Variants in ARB2A observed in about 807,000 individuals in gnomAD.
ARB2A encodes ARB2 cotranscriptional regulator A, also known as cotranscriptional regulator ARB2A.
the ARB2A span, among the ~76,000 whole-genome samples, chr5:94,074,281 C>T: frequency 2.0e-5 from 3 of 152,082 alleles, no homozygotes; most frequent in African/African-American, 7.2e-5. Flanking sequence ...GCCACAAAGG[C>T]AGAATACAGA....
the ARB2A span, among the ~76,000 whole-genome samples, chr5:93,694,190 G>T: frequency 6.6e-6 from 1 of 152,190 alleles, no homozygotes; most frequent in Non-Finnish European, 1.5e-5. Context: ...TCTGGCCAGG[G>T]AGATCAGGCA....
chr5:94,039,040 G>C, the ARB2A span, among the ~76,000 whole-genome samples: 1 of 152,098 alleles, frequency 6.6e-6, no homozygotes, highest in African/African-American at 2.4e-5. Context: ...CCTTTCCACA[G>C]GTTCTCAGTT....
chr5:94,057,368 T>C, the ARB2A span, among the ~76,000 whole-genome samples: 4 of 152,164 alleles, frequency 2.6e-5, no homozygotes, highest in Non-Finnish European at 5.9e-5. Context: ...AGAACGGTGG[T>C]TGCTGAGGGC....
the ARB2A span, chr5:93,618,331 G>T: frequency 6.6e-6 from 1 of 151,912 alleles, no homozygotes; most frequent in African/African-American, 2.4e-5. Context: ...AGTTTCGACG[G>T]GACTATTTTG....
the ARB2A span, among the ~76,000 whole-genome samples, chr5:93,764,237 T>A: frequency 6.6e-6 from 1 of 151,906 alleles, no homozygotes; most frequent in African/African-American, 2.4e-5. Flanking sequence ...AAAAAACCCT[T>A]CAAAAAATTA....
At chr5:94,038,635 T>C in the ARB2A span, among the ~76,000 whole-genome samples, 1 of 152,096 alleles carries the variant, frequency 6.6e-6, no homozygotes, top group Admixed American at 6.6e-5. Flanking sequence ...ATAAGTTTAA[T>C]TTACATTTAA....
At chr5:93,801,434 C>T in the ARB2A span, among the ~76,000 whole-genome samples, 3 of 151,990 alleles carry the variant, frequency 2.0e-5, no homozygotes, top group African/African-American at 4.8e-5. Context: ...TTATTCATTT[C>T]CTGAAGAAAG....
the ARB2A span, chr5:93,620,826 T>C: frequency 5.4e-6 from 5 of 930,250 alleles, no homozygotes; most frequent in African/African-American, 1.7e-5. Flanking sequence ...GTTGCACTCA[T>C]CTAGAAATAA....
At chr5:94,032,515 C>T in the ARB2A span, among the ~76,000 whole-genome samples, 6 of 152,134 alleles carry the variant, frequency 3.9e-5, no homozygotes, top group African/African-American at 1.4e-4. Context: ...CCATCAGGCC[C>T]CAACTCCAAT....
the ARB2A span, among the ~76,000 whole-genome samples, chr5:93,883,924 TAC>T: frequency 0.47 from 62,323 of 133,816 alleles, 14,531 homozygotes; most frequent in East Asian, 0.65. Flanking sequence ...CACATACACA[TAC>T]ACACACACAC....
At chr5:93,642,711 A>G in the ARB2A span, among the ~76,000 whole-genome samples, 1 of 152,020 alleles carries the variant, frequency 6.6e-6, no homozygotes, top group East Asian at 1.9e-4. Context: ...TGTAGAGACA[A>G]GGTCTTGCTA....
At chr5:93,743,069 T>A in the ARB2A span, 1 of 152,362 alleles carries the variant, frequency 6.6e-6, no homozygotes, top group African/African-American at 2.4e-5. Flanking sequence ...CCTAGCCTCA[T>A]CTTCCTGGGC....
chr5:93,618,953 T>C, the ARB2A span: 2 of 152,248 alleles, frequency 1.3e-5, no homozygotes, highest in African/African-American at 4.8e-5. Context: ...CAATTTAGCA[T>C]TGCACAAGTG....
chr5:94,042,522 G>T, the ARB2A span, among the ~76,000 whole-genome samples: 2 of 151,950 alleles, frequency 1.3e-5, no homozygotes, highest in African/African-American at 4.8e-5. Flanking sequence ...AGCCAGGATG[G>T]TCTCAATCTC....
At chr5:93,767,562 G>T in the ARB2A span, among the ~76,000 whole-genome samples, 18 of 152,048 alleles carry the variant, frequency 1.2e-4, no homozygotes, top group African/African-American at 4.4e-4. Flanking sequence ...ATATGAAAAA[G>T]ATACTTGCAC....
chr5:94,039,604 G>C, the ARB2A span, among the ~76,000 whole-genome samples: 1 of 152,152 alleles, frequency 6.6e-6, no homozygotes, highest in African/African-American at 2.4e-5. Context: ...TCTGTCTGTG[G>C]AGTAGCCATT....
At chr5:94,053,701 CAT>C in the ARB2A span, among the ~76,000 whole-genome samples, 1 of 152,126 alleles carries the variant, frequency 6.6e-6, no homozygotes, top group Non-Finnish European at 1.5e-5. Context: ...AATTATTTCA[CAT>C]AGTTTCTGTT....
the ARB2A span, among the ~76,000 whole-genome samples, chr5:93,988,143 CA>C: frequency 6.6e-6 from 1 of 152,134 alleles, no homozygotes; most frequent in African/African-American, 2.4e-5. Flanking sequence ...GTCATATCAA[CA>C]GGTCATTATC....
chr5:93,740,793 C>T, the ARB2A span: 1 of 1,612,784 alleles, frequency 6.2e-7, no homozygotes, highest in Non-Finnish European at 8.5e-7. Flanking sequence ...GGTTATAGAA[C>T]CAAACTCGAA....
Sources: gnomAD v4.1 joint callset for allele counts (sites outside exome capture counted in the v4.1 genomes callset) on GRCh38, gnomAD v4.1.1 for gene constraint, MANE v1.5 for transcripts, NCBI Gene and HGNC (gene_info 2026-07-23, HGNC 2026-07-21) for gene names.